The following MPDZ variants were observed in gnomAD, a reference collection of about 807,000 sequenced individuals.
MPDZ encodes multiple PDZ domain protein.
Under a neutral mutation model 239.1 loss-of-function variants are expected in MPDZ, and 234 were observed. The observed-to-expected ratio is 0.98, with a 90% confidence interval of 0.88 to 1.09. MPDZ has a LOEUF of 1.09. MPDZ is among the 50% of genes least tolerant of loss of function. MPDZ has a pLI of 0.00. For missense variants in MPDZ, 3,175 were observed against 2,510.0 expected (o/e 1.26, Z -5.66); for synonymous variants, 1,048 against 881.3 (o/e 1.19, Z -3.35).
At chr9:13,123,461 T>C (rs1944669696) in intron 35 of MPDZ, among the ~76,000 whole-genome samples, 163 bp from the exon 36 acceptor site, 1 of 152,162 alleles carries the variant, frequency 6.6e-6, no homozygotes, top group Non-Finnish European at 1.5e-5. Context: ...TTATCTTATA[T>C]TTAAAAATAA....
intron 41 of MPDZ, 55 bp downstream of exon 41, chr9:13,113,876 A>AATCAG: frequency 7.4e-7 from 1 of 1,360,538 alleles, no homozygotes; most frequent in Admixed American, 2.0e-5. Context: ...AAGACAAAAA[A>AATCAG]ATCAGTGTTG....
Position 13,147,541 on chromosome 9 carries a change from C to T in MPDZ, c.3741+7G>A, listed in dbSNP as rs575562778. 38 of 1,607,170 alleles carry T rather than the reference C, an allele frequency of 2.4e-5. No homozygotes were observed. In the Admixed American group the frequency reaches 3.8e-4, roughly 16 times the overall value. On this transcript the variant is annotated splice_region_variant and intron_variant, in intron 26 of 46. Coordinates refer to ENST00000319217, the MANE Select transcript of MPDZ (RefSeq NM_001378778.1). ...ATATGCCTACCTTGCCCTTTGTGTT[C>T]GCTTACCCTTGGTCTGTTTATAATG... is the stretch of plus-strand genomic sequence containing the variant.
At chr9:13,157,455 A>G (rs1450567022) in intron 24 of MPDZ, among the ~76,000 whole-genome samples, 1 of 152,138 alleles carries the variant, frequency 6.6e-6, no homozygotes, top group East Asian at 1.9e-4. Context: ...CTATTAAACT[A>G]AAGTTGATTT....
chr9:13,142,257 T>A (rs1205667181), intron 27 of MPDZ, among the ~76,000 whole-genome samples: 2 of 152,102 alleles, frequency 1.3e-5, no homozygotes, highest in Non-Finnish European at 2.9e-5. Context: ...CAAAACCTGC[T>A]TATCTGAAAA....
At chr9:13,133,396 C>T (rs1465837039) in intron 32 of MPDZ, among the ~76,000 whole-genome samples, 4 of 152,090 alleles carry the variant, frequency 2.6e-5, no homozygotes, top group East Asian at 1.9e-4. Context: ...TCATCGGAGC[C>T]GAAAGTTCAC....
intron 22 of MPDZ, among the ~76,000 whole-genome samples, chr9:13,163,591 A>T (rs1339856234): frequency 6.6e-6 from 1 of 152,168 alleles, no homozygotes; most frequent in Non-Finnish European, 1.5e-5. Flanking sequence ...GACATGGTGG[A>T]CATACTTTTT....
intron 10 of MPDZ, among the ~76,000 whole-genome samples, chr9:13,209,353 C>G (rs993047013): frequency 2.0e-5 from 3 of 152,136 alleles, no homozygotes; most frequent in Non-Finnish European, 4.4e-5. Context: ...CAAAAACAGG[C>G]AAAATCCCCC....
Position 13,109,982 on chromosome 9 carries a change from G to A in MPDZ, c.5912C>T (p.Thr1971Met), listed in dbSNP as rs981939723. ...ATCATCCTGAAATATACTGCTTGAC[G>A]TCAGCCCAGTGAAAGAAAGACTGGA... ...ASSSLSFTGL[T>M]SSSIFQDDLG... The change falls in exon 45 of 47, where the codon ACG becomes ATG. Residue 1971 changes from threonine to methionine, a missense_variant. Thr to Met is a moderately conservative substitution (Grantham distance 81). Coordinates refer to ENST00000319217, the MANE Select transcript of MPDZ (RefSeq NM_001378778.1). The A allele has an allele frequency of 8.1e-6, 13 of 1,612,936 alleles. No individual in the cohort carries two copies. In the African/African-American group the frequency reaches 1.2e-4, roughly 15 times the overall value.
intron 18 of MPDZ, among the ~76,000 whole-genome samples, chr9:13,184,085 C>A (rs1387906458): frequency 6.6e-6 from 1 of 151,746 alleles, no homozygotes; most frequent in Non-Finnish European, 1.5e-5. Flanking sequence ...GTTGCAGAAA[C>A]CAAAAAGAAA....
At chr9:13,227,596 T>C (rs556989214) in intron 3 of MPDZ, among the ~76,000 whole-genome samples, 44 of 152,188 alleles carry the variant, frequency 2.9e-4, no homozygotes, top group Middle Eastern at 3.4e-3. Flanking sequence ...AGAGAGTCTG[T>C]CTGTAAGAGA....
intron 23 of MPDZ, among the ~76,000 whole-genome samples, chr9:13,161,952 C>A (rs960232715): frequency 1.3e-5 from 2 of 152,054 alleles, no homozygotes; most frequent in Non-Finnish European, 2.9e-5. Context: ...TCCAAAAGAG[C>A]AAGAAAATTA....
intron 1 of MPDZ, among the ~76,000 whole-genome samples, chr9:13,250,887 G>A (rs967518905): frequency 6.6e-6 from 1 of 152,016 alleles, no homozygotes; most frequent in Non-Finnish European, 1.5e-5. Context: ...CCAGCACTTC[G>A]GGAAGCCAAG....
chr9:13,215,326 G>GAT (rs562280502), intron 10 of MPDZ, among the ~76,000 whole-genome samples: 13 of 149,618 alleles, frequency 8.7e-5, no homozygotes, highest in African/African-American at 2.9e-4. Flanking sequence ...CATTCTATTG[G>GAT]ATATATATAT....
intron 12 of MPDZ, among the ~76,000 whole-genome samples, chr9:13,203,104 T>A (rs1354936637): frequency 6.6e-6 from 1 of 152,180 alleles, no homozygotes; most frequent in Non-Finnish European, 1.5e-5. Context: ...ATACATTGTA[T>A]ACATGTATGG....
intron 32 of MPDZ, among the ~76,000 whole-genome samples, chr9:13,130,220 T>C (rs914799115): frequency 2.6e-5 from 4 of 152,190 alleles, no homozygotes. Flanking sequence ...GTATGAGAGC[T>C]TTCTGCTTAT....
intron 27 of MPDZ, among the ~76,000 whole-genome samples, chr9:13,142,424 G>C (rs1414124510): frequency 6.6e-6 from 1 of 152,042 alleles, no homozygotes; most frequent in African/African-American, 2.4e-5. Context: ...TTCTCATCAA[G>C]ATCATGTATC....
intron 12 of MPDZ, among the ~76,000 whole-genome samples, chr9:13,202,889 G>A (rs1956556036): frequency 6.6e-6 from 1 of 152,104 alleles, no homozygotes; most frequent in Admixed American, 6.6e-5. Context: ...TGGTATTTTT[G>A]TCTTTGATAG....
At chr9:13,218,648 G>A (rs376435666) in intron 8 of MPDZ, among the ~76,000 whole-genome samples, 1 of 151,756 alleles carries the variant, frequency 6.6e-6, no homozygotes, top group Non-Finnish European at 1.5e-5. Flanking sequence ...AGGAGGTTAG[G>A]ATATTAAAAA....
intron 3 of MPDZ, among the ~76,000 whole-genome samples, chr9:13,245,807 T>C (rs1379710440): frequency 6.6e-6 from 1 of 152,130 alleles, no homozygotes; most frequent in African/African-American, 2.4e-5. Context: ...TACTTCCATA[T>C]GGAAATGGTA....
Sources: gnomAD v4.1 joint callset for allele counts (sites outside exome capture counted in the v4.1 genomes callset) on GRCh38, gnomAD v4.1.1 for gene constraint, MANE v1.5 for transcripts, NCBI Gene and HGNC (gene_info 2026-07-23, HGNC 2026-07-21) for gene names.